Variants in STPG2 observed in about 807,000 individuals in gnomAD.
STPG2 encodes the protein sperm tail PG-rich repeat containing 2, also known as sperm-tail PG-rich repeat-containing protein 2.
In STPG2, 56 loss-of-function variants were observed where a neutral mutation model predicts 54.2. The observed-to-expected ratio is 1.03, with a 90% CI of 0.83 to 1.29. The LOEUF (loss-of-function observed/expected upper bound fraction) is 1.29. Among genes scored for constraint, STPG2 ranks in the 50% most tolerant of loss-of-function variants. The pLI is 0.00. For synonymous variants in STPG2, 200 were observed against 181.8 expected (o/e 1.10, Z -0.81); for missense variants, 596 against 544.9 (o/e 1.09, Z -0.93).
At position 97,931,627 on chromosome 4, in the gene STPG2, G is replaced by A. The variant is rs188400081; in HGVS notation, c.1044+12270C>T. 2.5e-3 allele frequency among the ~76,000 whole-genome samples: 387 copies of A among 151,782 alleles called. 3 individuals carry two copies. The highest frequency in any genetic ancestry group is 8.8e-3 in the African/African-American group (363 of 41,482). On this transcript the variant is annotated intron_variant, in intron 8 of 10. Coordinates refer to ENST00000295268, the MANE Select transcript of STPG2 (RefSeq NM_174952.3). ...TTTTGCATCAATATTCAATAAAGAT[G>A]TTGGCTTGAAGTTTTTTTGTTTTTG...
intron 3 of STPG2, among the ~76,000 whole-genome samples, chr4:98,109,524 A>T (rs1055048616): frequency 3.3e-5 from 5 of 152,116 alleles, no homozygotes; most frequent in African/African-American, 4.8e-5. Flanking sequence ...CCAGAGAAGT[A>T]CCTCTAACAT....
intron 10 of STPG2, among the ~76,000 whole-genome samples, chr4:97,661,642 C>G (rs1722379173): frequency 6.6e-6 from 1 of 151,626 alleles, no homozygotes; most frequent in Non-Finnish European, 1.5e-5. Flanking sequence ...TCCTTATAAT[C>G]TTAATTCCTA....
At chr4:97,678,906 G>A (rs1722938443) in intron 10 of STPG2, among the ~76,000 whole-genome samples, 1 of 151,772 alleles carries the variant, frequency 6.6e-6, no homozygotes, top group African/African-American at 2.4e-5. Flanking sequence ...ATAGTTTACT[G>A]AGAATGATGA....
chr4:97,920,674 C>G (rs183248996), intron 8 of STPG2, among the ~76,000 whole-genome samples: 10 of 150,904 alleles, frequency 6.6e-5, no homozygotes, highest in Non-Finnish European at 1.0e-4. Flanking sequence ...AATAAAGAAC[C>G]CTGAACAGCT....
At chr4:97,779,527 A>G (rs1357179323) in intron 9 of STPG2, among the ~76,000 whole-genome samples, 1 of 152,230 alleles carries the variant, frequency 6.6e-6, no homozygotes, top group Non-Finnish European at 1.5e-5. Context: ...ATCCAGGAGA[A>G]CTTCCCCAAC....
chr4:97,688,519 A>C (rs1723269394), intron 10 of STPG2, among the ~76,000 whole-genome samples: 1 of 152,154 alleles, frequency 6.6e-6, no homozygotes, highest in African/African-American at 2.4e-5. Flanking sequence ...GGCACCCGCC[A>C]CCATGCCCAG....
chr4:97,856,696 G>A (rs1729348312), intron 8 of STPG2, among the ~76,000 whole-genome samples: 1 of 152,168 alleles, frequency 6.6e-6, no homozygotes, highest in African/African-American at 2.4e-5. Flanking sequence ...CCAATACCAT[G>A]TTGAATAGAA....
chr4:97,864,273 C>A (rs548723739), intron 8 of STPG2, among the ~76,000 whole-genome samples: 2 of 148,826 alleles, frequency 1.3e-5, no homozygotes, highest in Admixed American at 1.3e-4. Flanking sequence ...AATCAATGTG[C>A]AAAAATCACA....
intron 7 of STPG2, among the ~76,000 whole-genome samples, chr4:97,958,060 G>C (rs1733744779): frequency 6.6e-6 from 1 of 152,142 alleles, no homozygotes; most frequent in Non-Finnish European, 1.5e-5. Flanking sequence ...GGTAATCCCA[G>C]TACTTTGGGA....
chr4:98,096,956 G>A (rs1487391854), intron 5 of STPG2, among the ~76,000 whole-genome samples: 1 of 152,012 alleles, frequency 6.6e-6, no homozygotes, highest in Non-Finnish European at 1.5e-5. Flanking sequence ...AACAGAACAA[G>A]TAATAAGATC....
At chr4:97,453,744 A>C (rs906695943) in intron 4 of STPG2, among the ~76,000 whole-genome samples, 2 of 152,118 alleles carry the variant, frequency 1.3e-5, no homozygotes, top group Admixed American at 1.3e-4. Context: ...TATCATTGAA[A>C]ACAATATACT....
chr4:97,462,070 A>AT lies in STPG2; in HGVS notation c.462+250628dup, dbSNP rs997666410. Among the ~76,000 whole-genome samples the AT allele has an allele frequency of 1.9e-3, 292 of 150,704 alleles. 1 individual carries two copies. Among genetic ancestry groups the AT allele is most frequent in the African/African-American group, 6.6e-3 (270 of 41,108 alleles). On this transcript the variant is annotated intron_variant, in intron 4 of 4. Transcript: ENST00000522676. ...CTACTTCTTCTTTTCTAGAATCTTG[A>AT]TTTTTTTTTCATTCTTAGATCAACA...
At chr4:97,914,747 C>A (rs1560587140) in intron 8 of STPG2, among the ~76,000 whole-genome samples, 1 of 152,116 alleles carries the variant, frequency 6.6e-6, no homozygotes, top group Non-Finnish European at 1.5e-5. Context: ...TCCAAAAATC[C>A]AAAATCTGAA....
At chr4:97,562,181 G>A (rs1344591742) in intron 10 of STPG2, among the ~76,000 whole-genome samples, 1 of 152,038 alleles carries the variant, frequency 6.6e-6, no homozygotes, top group Non-Finnish European at 1.5e-5. Flanking sequence ...GGATTCCTAG[G>A]TATTTTATTC....
At chr4:97,664,945 G>A (rs1722477537) in intron 10 of STPG2, among the ~76,000 whole-genome samples, 1 of 152,104 alleles carries the variant, frequency 6.6e-6, no homozygotes, top group African/African-American at 2.4e-5. Context: ...CTGCACACAG[G>A]CAGGGAGGCT....
At chr4:97,767,068 G>A (rs896159899) in intron 9 of STPG2, among the ~76,000 whole-genome samples, 6 of 151,976 alleles carry the variant, frequency 3.9e-5, no homozygotes, top group Non-Finnish European at 7.4e-5. Context: ...AATTTTTGAT[G>A]AGTCATAAGA....
chr4:98,071,037 CT>C (rs1459498853), intron 5 of STPG2, among the ~76,000 whole-genome samples: 1 of 151,794 alleles, frequency 6.6e-6, no homozygotes, highest in Non-Finnish European at 1.5e-5. Context: ...AGAAGTTCTT[CT>C]AATTCTTCAG....
At chr4:97,698,092 G>T (rs537393475) in intron 10 of STPG2, among the ~76,000 whole-genome samples, 1 of 151,968 alleles carries the variant, frequency 6.6e-6, no homozygotes. Context: ...GCACCACTGG[G>T]TTAGGGTCTC....
At chr4:97,800,777 G>T (rs1490602765) in intron 9 of STPG2, among the ~76,000 whole-genome samples, 1 of 152,164 alleles carries the variant, frequency 6.6e-6, no homozygotes, top group African/African-American at 2.4e-5. Flanking sequence ...CCTACCCCCA[G>T]AGTTGGAGTC....
Sources: allele counts gnomAD v4.1 joint callset (sites outside exome capture counted in the v4.1 genomes callset), GRCh38; gene constraint gnomAD v4.1.1; transcripts MANE v1.5; gene names NCBI Gene and HGNC (gene_info 2026-07-23, HGNC 2026-07-21).